The following SMARCA4 variants were observed in gnomAD, a reference collection of about 807,000 sequenced individuals.
SMARCA4 encodes SWI/SNF-related matrix-associated actin-dependent regulator of chromatin subfamily A member 4.
SMARCA4 carries 31 observed loss-of-function variants against 193.9 expected under a neutral mutation model. The observed-to-expected ratio is 0.16, with a 90% CI of 0.12 to 0.22. The LOEUF (loss-of-function observed/expected upper bound fraction) is 0.22. Among genes scored for constraint, SMARCA4 ranks in the 10% least tolerant of loss-of-function variants. The probability of loss-of-function intolerance (pLI) is 1.00; values close to 1 mark genes in which losing one functional copy is unlikely to be tolerated. For missense variants in SMARCA4, 1,148 were observed against 2,296.0 expected (o/e 0.50, Z 10.22); for synonymous variants, 942 against 933.1 (o/e 1.01, Z -0.17).
At chr19:10,996,957 T>G (rs1407103745) in intron 11 of SMARCA4, among the ~76,000 whole-genome samples, 1 of 151,996 alleles carries the variant, frequency 6.6e-6, no homozygotes, top group African/African-American at 2.4e-5. Flanking sequence ...CTTGACCTCC[T>G]GGGCTCAAGT....
At chr19:11,014,577 G>C (rs1377447805) in intron 16 of SMARCA4, among the ~76,000 whole-genome samples, 3 of 152,192 alleles carry the variant, frequency 2.0e-5, no homozygotes, top group Admixed American at 6.5e-5. Context: ...TTCCGGCTCT[G>C]CCCACCTCCT....
At chr19:10,994,404 A>G (rs1178180964) in intron 8 of SMARCA4, among the ~76,000 whole-genome samples, 1 of 149,504 alleles carries the variant, frequency 6.7e-6, no homozygotes, top group African/African-American at 2.5e-5. Flanking sequence ...GCTCACTGCA[A>G]GCTCCGCCTC....
rs915994145 is a variant in SMARCA4, at chr19:10,992,575, C to T, written c.1419+1252C>T. 2.0e-5 allele frequency among the ~76,000 whole-genome samples: 3 copies of T among 151,956 alleles called. No individual in the cohort carries two copies. In the South Asian group the frequency reaches 6.2e-4, roughly 32 times the overall value. ...AAGTAGTTGGGATTACAGATGTGCG[C>T]CGCCACACCTGTTTGTTTTTTTCTT... is the stretch of plus-strand genomic sequence containing the variant. On this transcript the variant is annotated intron_variant, in intron 8 of 34. Transcript: ENST00000344626.
rs1341397286 is a variant in SMARCA4, at chr19:11,026,281, C to T, written c.3169-19C>T. 1.2e-6 allele frequency: 2 copies of T among 1,612,166 alleles called. No homozygotes were observed. The highest frequency in any genetic ancestry group is 1.7e-5 in the Admixed American group (1 of 60,016). On this transcript the variant is annotated intron_variant, in intron 22 of 34. Transcript: ENST00000344626. Reference sequence around the variant, plus strand: ...GCCTGCTCCTGCCTGTCACTGACCCCTCTCTCCTTGCCTTGCAGGAGTCCT... The same window carrying T: ...GCCTGCTCCTGCCTGTCACTGACCCTTCTCTCCTTGCCTTGCAGGAGTCCT...
At chr19:11,053,780 G>A (rs377030443) in intron 30 of SMARCA4, among the ~76,000 whole-genome samples, 48 of 152,060 alleles carry the variant, frequency 3.2e-4, no homozygotes, top group Non-Finnish European at 5.0e-4. Flanking sequence ...GTGTTGTGGC[G>A]TGTGCCTGTA....
In SMARCA4 at chr19:11,033,367, C is replaced by T. The variant is rs1423663248; in HGVS notation, c.3624C>T (p.Asn1208=). 1.9e-6 allele frequency: 3 copies of T among 1,613,318 alleles called. No homozygotes were observed. The highest frequency in any genetic ancestry group is 2.5e-6 in the Non-Finnish European group (3 of 1,180,042). The change falls in exon 26 of 35, where the codon AAC becomes AAT. Residue 1208 remains asparagine (N), a synonymous_variant. Transcript: ENST00000344626. This position sits in a 1 kb window ranked among gnomAD's most constrained non-coding sequence, Gnocchi z 9.8. ...EVRVLRLCTV[N]SVEEKILAAA... The stretch of plus-strand genomic sequence containing the variant: ...GTGTGCTCCGCCTCTGCACCGTCAA[C>T]AGCGTGGAGGAGAAGATCCTAGCTG...
chr19:11,018,705 A>G (rs2089596233), intron 16 of SMARCA4, among the ~76,000 whole-genome samples: 1 of 151,984 alleles, frequency 6.6e-6, no homozygotes, highest in African/African-American at 2.4e-5. Flanking sequence ...CTGTGTCCCT[A>G]CTTCTCACTC....
rs2145811810 is a variant in SMARCA4, at chr19:10,987,636, A to G, written c.860-30A>G. ...CCCGGGATGGGCCCCAGAGCTCAAC[A>G]TGACGCCCTGGCCCCTTGCCTTCTC... On this transcript the variant is annotated intron_variant, in intron 5 of 34. Transcript: ENST00000344626. The surrounding 1 kb of genome is among the most constrained non-coding windows in gnomAD (Gnocchi z 5.3). 3.1e-6 allele frequency: 5 copies of G among 1,612,448 alleles called. No homozygotes were observed. The highest frequency in any genetic ancestry group is 2.7e-5 in the African/African-American group (2 of 74,972).
chr19:11,033,574 G>T lies in SMARCA4; in HGVS notation c.3774+57G>T. ...AGCGTGAATGGTGGACGCGTGAGCG[G>T]CTTTCATTTTTGTTTTTTTACCTTT... On this transcript the variant is annotated intron_variant, in intron 26 of 34. Coordinates refer to ENST00000344626, the MANE Select transcript of SMARCA4 (RefSeq NM_003072.5). The surrounding 1 kb of genome is among the most constrained non-coding windows in gnomAD (Gnocchi z 9.8). 1.4e-6 allele frequency: 2 copies of T among 1,414,112 alleles called. No individual in the cohort carries two copies. The highest frequency in any genetic ancestry group is 1.1e-5 in the South Asian group (1 of 87,080). The allele number at this position is 1,414,112 out of a possible 1,614,324, so 87.6% of individuals were successfully genotyped here.
At chr19:10,969,995 T>A (rs2084550956) in intron 1 of SMARCA4, among the ~76,000 whole-genome samples, 1 of 152,206 alleles carries the variant, frequency 6.6e-6, no homozygotes, top group Non-Finnish European at 1.5e-5. Flanking sequence ...CCCTCTGAGG[T>A]ATGATATGGA....
chr19:11,001,224 C>T (rs1215698112), intron 11 of SMARCA4, among the ~76,000 whole-genome samples: 4 of 151,958 alleles, frequency 2.6e-5, no homozygotes, highest in Non-Finnish European at 5.9e-5. Context: ...GTTGCAGCTG[C>T]TCAGGAGGCT....
intron 16 of SMARCA4, 179 bp from the exon 17 acceptor site, chr19:11,018,778 C>T (rs1339660790): frequency 2.9e-5 from 21 of 715,470 alleles, no homozygotes; most frequent in South Asian, 1.0e-4. Context: ...GAGCCCTTCA[C>T]GTCCTCGCCA....
intron 16 of SMARCA4, among the ~76,000 whole-genome samples, chr19:11,013,886 C>T (rs150231834): frequency 2.8e-4 from 42 of 152,212 alleles, no homozygotes; most frequent in African/African-American, 6.5e-4. Flanking sequence ...CTGGCTCCAC[C>T]GGCCTTTTTC....
In SMARCA4 at chr19:11,034,206, C is replaced by T. The variant is rs759241380; in HGVS notation, c.3951+6C>T. 7 of 1,610,672 alleles carry T rather than the reference C, an allele frequency of 4.3e-6. No individual in the cohort carries two copies. Among genetic ancestry groups the T allele is most frequent in the Admixed American group, 3.3e-5 (2 of 60,016 alleles). ...AGGAGTTTGATCTGTTCATGGTAAGCGCTGCAGGCTGGATGGGGCAGTTCA... is the reference window on the plus strand; with the variant it reads ...AGGAGTTTGATCTGTTCATGGTAAGTGCTGCAGGCTGGATGGGGCAGTTCA... On this transcript the variant is annotated splice_donor_region_variant and intron_variant, in intron 28 of 34. Transcript: ENST00000344626. This position sits in a 1 kb window ranked among gnomAD's most constrained non-coding sequence, Gnocchi z 7.0.
chr19:11,012,541 A>G (rs1217854221), intron 15 of SMARCA4: 1 of 281,372 alleles, frequency 3.6e-6, no homozygotes, highest in Non-Finnish European at 7.0e-6. Flanking sequence ...TCTTGAAATG[A>G]TGTTCAGGCA....
At chr19:10,963,025 A>G (rs768020751) in intron 1 of SMARCA4, among the ~76,000 whole-genome samples, 1 of 152,052 alleles carries the variant, frequency 6.6e-6, no homozygotes, top group Non-Finnish European at 1.5e-5. Flanking sequence ...TAGCGAACTT[A>G]TGTGGATTGA....
chr19:10,988,859 G>A (rs529830829), intron 6 of SMARCA4, among the ~76,000 whole-genome samples: 48 of 152,208 alleles, frequency 3.2e-4, no homozygotes, highest in Non-Finnish European at 5.7e-4. Context: ...CAGAAAGACT[G>A]ATTAAGAGAA....
intron 13 of SMARCA4, among the ~76,000 whole-genome samples, chr19:11,007,510 G>C (rs567151874): frequency 1.3e-5 from 2 of 151,128 alleles, no homozygotes; most frequent in South Asian, 2.1e-4. Context: ...AGGCTGAGGC[G>C]AGAGGATTGC....
intron 21 of SMARCA4, 126 bp from the exon 22 acceptor site, chr19:11,025,296 G>A (rs886080337): frequency 7.1e-6 from 5 of 706,606 alleles, no homozygotes; most frequent in African/African-American, 1.7e-5. Context: ...CAATTGCTGT[G>A]CCAAAAGCCA....
Sources: allele counts gnomAD v4.1 joint callset (sites outside exome capture counted in the v4.1 genomes callset), GRCh38; gene constraint gnomAD v4.1.1; non-coding constraint Gnocchi (gnomAD v3.1); transcripts MANE v1.5; gene names NCBI Gene and HGNC (gene_info 2026-07-23, HGNC 2026-07-21).